The following VPS39 variants were observed in gnomAD, a reference collection of about 807,000 sequenced individuals.
The protein encoded by VPS39 is VPS39 subunit of HOPS complex, also known as vam6/Vps39-like protein.
In VPS39, 70 loss-of-function variants were observed where a neutral mutation model predicts 121.0. The observed-to-expected ratio is 0.58, with a 90% CI of 0.48 to 0.71. The LOEUF (loss-of-function observed/expected upper bound fraction) is 0.71. Among genes scored for constraint, VPS39 ranks in the 30% least tolerant of loss-of-function variants. The pLI is 0.00. For synonymous variants in VPS39, 378 were observed against 398.1 expected (o/e 0.95, Z 0.60); for missense variants, 818 against 1,051.5 (o/e 0.78, Z 3.07).
chr15:42,179,957 C>A (rs2049548142), intron 8 of VPS39, among the ~76,000 whole-genome samples: 1 of 152,186 alleles, frequency 6.6e-6, no homozygotes, highest in Non-Finnish European at 1.5e-5. Flanking sequence ...GGTTCTCTCT[C>A]TTCTGCCATG....
chr15:42,169,229 T>G (rs1314366759), intron 12 of VPS39, among the ~76,000 whole-genome samples: 3 of 152,166 alleles, frequency 2.0e-5, no homozygotes, highest in African/African-American at 4.8e-5. Flanking sequence ...AACCAAGAAG[T>G]AAATAAACAA....
intron 8 of VPS39, among the ~76,000 whole-genome samples, chr15:42,183,070 A>G (rs2049617248): frequency 6.6e-6 from 1 of 150,868 alleles, no homozygotes; most frequent in African/African-American, 2.4e-5. Context: ...TCTAACCACA[A>G]CCAGAACAAT....
intron 13 of VPS39, 30 bp downstream of exon 13, chr15:42,167,364 T>C (rs1171649542): frequency 1.2e-6 from 2 of 1,611,914 alleles, no homozygotes; most frequent in East Asian, 2.2e-5. Context: ...TAACTGGGAA[T>C]TGTGGCACCC....
At chr15:42,162,893 G>A (rs1296518698) in intron 21 of VPS39, among the ~76,000 whole-genome samples, 2 of 152,098 alleles carry the variant, frequency 1.3e-5, no homozygotes, top group African/African-American at 4.8e-5. Context: ...GTGCGCATTC[G>A]GGGCCAGATG....
chr15:42,167,329 C>T (rs1404285475), intron 13 of VPS39, 65 bp downstream of exon 13: 4 of 1,591,118 alleles, frequency 2.5e-6, no homozygotes, highest in Non-Finnish European at 2.6e-6. Context: ...CTAGCACTCC[C>T]TTTTACTTTC....
chr15:42,189,099 CTT>C lies in VPS39; in HGVS notation c.342+13_342+14del. 6.2e-7 allele frequency: 1 copy of C among 1,602,840 alleles called. No homozygotes were observed. The highest frequency in any genetic ancestry group is 1.1e-5 in the South Asian group (1 of 90,848). ...ATTAAAGCATAAAGCCAAATTTCAT[CTT>C]GGGTAAACTTACCTGGAGGTCACAA... On this transcript the variant is annotated intron_variant, in intron 5 of 24. Coordinates refer to ENST00000318006, the MANE Select transcript of VPS39 (RefSeq NM_015289.5).
intron 11 of VPS39, among the ~76,000 whole-genome samples, chr15:42,172,743 C>T (rs4924627): frequency 0.13 from 19,929 of 152,188 alleles, 2,137 homozygotes; most frequent in African/African-American, 0.28. Context: ...GAGCTCCCTT[C>T]GTTTCCATCT....
At chr15:42,171,727 C>T (rs2049350928) in intron 11 of VPS39, among the ~76,000 whole-genome samples, 5 of 152,210 alleles carry the variant, frequency 3.3e-5, no homozygotes, top group African/African-American at 9.7e-5. Flanking sequence ...CAAATTGAAA[C>T]TACCTTAATA....
chr15:42,191,243 A>G, intron 3 of VPS39, 76 bp from the exon 4 acceptor site: 1 of 1,543,430 alleles, frequency 6.5e-7, no homozygotes, highest in South Asian at 1.1e-5. Flanking sequence ...AATAACAGTA[A>G]TAAAAAGGGA....
chr15:42,171,378 C>T (rs1193723596), intron 11 of VPS39, among the ~76,000 whole-genome samples: 1 of 152,168 alleles, frequency 6.6e-6, no homozygotes, highest in Non-Finnish European at 1.5e-5. Context: ...GTTATCAGCT[C>T]TGCCATTCCA....
At chr15:42,189,295 A>T in intron 4 of VPS39, 87 bp from the exon 5 acceptor site, 1 of 1,027,348 alleles carries the variant, frequency 9.7e-7, no homozygotes, top group Non-Finnish European at 1.5e-6. Flanking sequence ...AACTGTGTTA[A>T]CATCTAGAAG....
intron 12 of VPS39, among the ~76,000 whole-genome samples, 171 bp downstream of exon 12, chr15:42,169,553 G>A (rs1287721912): frequency 6.6e-6 from 1 of 152,166 alleles, no homozygotes; most frequent in Non-Finnish European, 1.5e-5. Context: ...CCACCTCAAT[G>A]GTACTGTAAA....
intron 2 of VPS39, among the ~76,000 whole-genome samples, chr15:42,199,295 G>C (rs1029149854): frequency 1.2e-4 from 19 of 152,242 alleles, no homozygotes; most frequent in African/African-American, 4.6e-4. Context: ...CTACATTACT[G>C]ACAGTCACAT....
intron 2 of VPS39, chr15:42,192,229 A>G: frequency 1.1e-6 from 1 of 880,554 alleles, no homozygotes; most frequent in Non-Finnish European, 1.8e-6. Context: ...CATCATCATC[A>G]TCAGAGCAGC....
chr15:42,194,809 T>C (rs1334743735), intron 2 of VPS39, among the ~76,000 whole-genome samples: 2 of 152,106 alleles, frequency 1.3e-5, no homozygotes, highest in African/African-American at 2.4e-5. Context: ...TTGGTACCAC[T>C]GTTTTTTTCG....
intron 19 of VPS39, 98 bp downstream of exon 19, chr15:42,164,260 C>G: frequency 1.3e-6 from 2 of 1,540,376 alleles, no homozygotes; most frequent in Non-Finnish European, 1.7e-6. Context: ...TTTTTCCAGG[C>G]CCAACTTTTG....
intron 7 of VPS39, 92 bp downstream of exon 7, chr15:42,187,178 CT>C: frequency 1.1e-6 from 1 of 904,970 alleles, no homozygotes; most frequent in South Asian, 1.8e-5. Flanking sequence ...GCCAAAAGCT[CT>C]ACTTAAAGTG....
intron 7 of VPS39, among the ~76,000 whole-genome samples, chr15:42,186,811 A>G (rs572985816): frequency 6.6e-6 from 1 of 152,368 alleles, no homozygotes. Context: ...ACACGTGTAA[A>G]AACACGTGGC....
intron 6 of VPS39, 79 bp downstream of exon 6, chr15:42,187,679 C>T: frequency 7.9e-7 from 1 of 1,268,772 alleles, no homozygotes; most frequent in Admixed American, 1.7e-5. Context: ...AATGACAAGA[C>T]TGGAGTCCTG....
Sources: allele counts gnomAD v4.1 joint callset (sites outside exome capture counted in the v4.1 genomes callset), GRCh38; gene constraint gnomAD v4.1.1; transcripts MANE v1.5; gene names NCBI Gene and HGNC (gene_info 2026-07-23, HGNC 2026-07-21).